The following CCDC91 variants were observed in gnomAD, a reference collection of about 807,000 sequenced individuals.
The protein encoded by CCDC91 is coiled-coil domain containing 91, also known as coiled-coil domain-containing protein 91.
Under a neutral mutation model 63.2 loss-of-function variants are expected in CCDC91, and 48 were observed. The observed-to-expected ratio is 0.76, with a 90% CI of 0.60 to 0.97. CCDC91 has a LOEUF of 0.97. Among genes scored for constraint, CCDC91 ranks in the 50% least tolerant of loss-of-function variants. The pLI is 0.00. For synonymous variants in CCDC91, 167 were observed against 165.8 expected (o/e 1.01, Z -0.06); for missense variants, 500 against 494.6 (o/e 1.01, Z -0.10).
At chr12:28,311,133 C>T (rs929377109) in intron 6 of CCDC91, among the ~76,000 whole-genome samples, 2 of 151,954 alleles carry the variant, frequency 1.3e-5, no homozygotes, top group African/African-American at 4.8e-5. Context: ...AAGTTTTCCA[C>T]TCAGCCCCCT....
intron 7 of CCDC91, among the ~76,000 whole-genome samples, chr12:28,372,231 G>A (rs1944665190): frequency 6.6e-6 from 1 of 152,090 alleles, no homozygotes; most frequent in Non-Finnish European, 1.5e-5. Flanking sequence ...TACTGTTTTG[G>A]TTACTACAGC....
chr12:28,206,751 G>C (rs1447930415), intron 1 of CCDC91, among the ~76,000 whole-genome samples: 1 of 152,180 alleles, frequency 6.6e-6, no homozygotes. Context: ...TTTTACAAGA[G>C]AATTTAAAGT....
chr12:28,290,677 A>G (rs1420663007), intron 3 of CCDC91, among the ~76,000 whole-genome samples: 1 of 152,150 alleles, frequency 6.6e-6, no homozygotes, highest in African/African-American at 2.4e-5. Context: ...ATAGGAGCCA[A>G]TTGTTTTTTA....
At chr12:28,465,536 G>T (rs1950509380) in intron 11 of CCDC91, among the ~76,000 whole-genome samples, 1 of 152,208 alleles carries the variant, frequency 6.6e-6, no homozygotes, top group East Asian at 1.9e-4. Flanking sequence ...CTGCCTTGTA[G>T]TTTGGAGAAT....
chr12:28,309,427 T>G (rs1374352440), intron 6 of CCDC91, among the ~76,000 whole-genome samples: 1 of 152,116 alleles, frequency 6.6e-6, no homozygotes, highest in African/African-American at 2.4e-5. Context: ...AAGTTTTATC[T>G]CTAACCTAGT....
In CCDC91 at chr12:28,307,621, CTTGTAT is replaced by C. The variant is rs1938882653; in HGVS notation, c.472-15_472-10del. 4.2e-6 allele frequency: 5 copies of C among 1,189,322 alleles called. No homozygotes were observed. Among genetic ancestry groups the C allele is most frequent in the Non-Finnish European group, 6.0e-6 (5 of 830,742 alleles). 73.7% of individuals were successfully genotyped at this position (1,189,322 alleles called of 1,614,324 possible). A position where few individuals can be genotyped will look rare whatever the true frequency, so the allele number is the denominator to read the frequency against. On this transcript the variant is annotated intron_variant, in intron 5 of 12. Transcript: ENST00000536442. Reference sequence around the variant, plus strand: ...TTTTATGCCATTAAATATTACAAAGCTTGTATTTGTATTTTTATTTTAGGATGTGGA... The same window carrying C: ...TTTTATGCCATTAAATATTACAAAGCTTGTATTTTTATTTTAGGATGTGGA...
chr12:28,243,805 C>T (rs1156324650), intron 1 of CCDC91, among the ~76,000 whole-genome samples: 1 of 152,048 alleles, frequency 6.6e-6, no homozygotes, highest in Non-Finnish European at 1.5e-5. Context: ...GCAACAAGCC[C>T]AAGTGATTTG....
At chr12:28,404,414 G>A (rs1490565621) in intron 8 of CCDC91, among the ~76,000 whole-genome samples, 3 of 151,886 alleles carry the variant, frequency 2.0e-5, no homozygotes, top group Admixed American at 6.6e-5. Context: ...TTATGGTCCC[G>A]AATTTGGTCT....
chr12:28,467,849 C>T (rs997495104), intron 11 of CCDC91, among the ~76,000 whole-genome samples: 5 of 151,962 alleles, frequency 3.3e-5, no homozygotes, highest in African/African-American at 1.2e-4. Flanking sequence ...AAACAGTATG[C>T]TCCTCAATGA....
At chr12:28,325,724 A>G (rs1940928980) in intron 6 of CCDC91, among the ~76,000 whole-genome samples, 2 of 152,002 alleles carry the variant, frequency 1.3e-5, no homozygotes, top group Admixed American at 1.3e-4. Context: ...GAATCTATTA[A>G]ACCAGTGTTG....
Position 28,503,794 on chromosome 12 carries a change from A to G in CCDC91, c.1215+19629A>G, listed in dbSNP as rs555859050. Among the ~76,000 whole-genome samples the G allele has an allele frequency of 9.5e-4, 144 of 152,258 alleles. 1 individual carries two copies. The highest frequency in any genetic ancestry group is 2.9e-3 in the Admixed American group (45 of 15,272). ...GTTCATGTCCTTTGTAGGGACATGG[A>G]TGAAATTGGAAATCATCATTCTCAG... On this transcript the variant is annotated intron_variant, in intron 12 of 12. Transcript: ENST00000536442.
At chr12:28,381,824 T>C (rs1435401586) in intron 7 of CCDC91, among the ~76,000 whole-genome samples, 2 of 152,134 alleles carry the variant, frequency 1.3e-5, no homozygotes, top group African/African-American at 4.8e-5. Context: ...TAGTAATAAT[T>C]ACCCTGAGCC....
chr12:28,491,273 A>T (rs2140998754), intron 12 of CCDC91, among the ~76,000 whole-genome samples: 1 of 151,878 alleles, frequency 6.6e-6, no homozygotes, highest in Non-Finnish European at 1.5e-5. Context: ...AAAATGATTT[A>T]ACTTTAAAAA....
intron 1 of CCDC91, among the ~76,000 whole-genome samples, chr12:28,221,922 C>T (rs1461984692): frequency 6.6e-6 from 1 of 152,132 alleles, no homozygotes; most frequent in African/African-American, 2.4e-5. Flanking sequence ...AACTCTGCCC[C>T]TTTAGCTCAG....
chr12:28,252,835 A>G (rs1031721682), intron 1 of CCDC91, among the ~76,000 whole-genome samples: 2 of 152,288 alleles, frequency 1.3e-5, no homozygotes, highest in East Asian at 1.9e-4. Context: ...TTGAGGCACT[A>G]ATAAAGTAGC....
At position 28,323,306 on chromosome 12, in the gene CCDC91, G is replaced by A. The variant is rs569423893; in HGVS notation, c.576+15557G>A. On this transcript the variant is annotated intron_variant, in intron 6 of 12. Transcript: ENST00000536442. ...TTAACTTTTGATCTATCTGGACTTC[G>A]TATTGATAGAGTGAGATAGAGTCTA... Among the ~76,000 whole-genome samples the A allele has an allele frequency of 4.2e-4, 63 of 151,778 alleles. No homozygotes were observed. In the South Asian group the frequency reaches 0.012, roughly 28 times the overall value.
chr12:28,223,525 T>C (rs529283711), intron 1 of CCDC91, among the ~76,000 whole-genome samples: 51 of 152,318 alleles, frequency 3.3e-4, no homozygotes, highest in Middle Eastern at 3.4e-3. Flanking sequence ...CACTCATTTC[T>C]TGCTTTCTCC....
intron 3 of CCDC91, among the ~76,000 whole-genome samples, chr12:28,288,587 GT>G (rs1368063913): frequency 6.6e-6 from 1 of 151,950 alleles, no homozygotes; most frequent in African/African-American, 2.4e-5. Context: ...GCTGGATTTG[GT>G]TTGCCACAAG....
At chr12:28,300,495 A>G (rs1232162756) in intron 3 of CCDC91, among the ~76,000 whole-genome samples, 1 of 143,976 alleles carries the variant, frequency 6.9e-6, no homozygotes, top group Non-Finnish European at 1.6e-5. Flanking sequence ...TTAATACAGC[A>G]AATTTTGATA....
Sources: allele counts gnomAD v4.1 joint callset (sites outside exome capture counted in the v4.1 genomes callset), GRCh38; gene constraint gnomAD v4.1.1; transcripts MANE v1.5; gene names NCBI Gene and HGNC (gene_info 2026-07-23, HGNC 2026-07-21).